The following SPHKAP variants were observed in gnomAD, a reference collection of about 807,000 sequenced individuals.
SPHKAP encodes A-kinase anchor protein SPHKAP.
SPHKAP carries 67 observed loss-of-function variants against 137.5 expected under a neutral mutation model. The observed-to-expected ratio is 0.49, with a 90% CI of 0.40 to 0.60. The LOEUF is 0.60. Among genes scored for constraint, SPHKAP ranks in the 20% least tolerant of loss-of-function variants. SPHKAP has a pLI of 0.00. For synonymous variants in SPHKAP, 813 were observed against 785.3 expected, an observed-to-expected ratio of 1.04 and a Z score of -0.59; for missense variants, 2,097 against 2,069.3, an observed-to-expected ratio of 1.01 and a Z score of -0.26.
At chr2:228,044,325 T>C (rs1695951644) in intron 3 of SPHKAP, among the ~76,000 whole-genome samples, 1 of 152,220 alleles carries the variant, frequency 6.6e-6, no homozygotes, top group East Asian at 1.9e-4. Context: ...AAAATATAGT[T>C]GCAAATGCAG....
At chr2:228,050,324 T>C (rs1195011447) in intron 3 of SPHKAP, among the ~76,000 whole-genome samples, 1 of 152,156 alleles carries the variant, frequency 6.6e-6, no homozygotes, top group Admixed American at 6.6e-5. Flanking sequence ...AGCAATCCCA[T>C]TGCTGAGTAT....
At chr2:228,058,143 A>G (rs986292593) in intron 3 of SPHKAP, among the ~76,000 whole-genome samples, 9 of 152,142 alleles carry the variant, frequency 5.9e-5, no homozygotes, top group African/African-American at 2.2e-4. Flanking sequence ...CTGTGACCAG[A>G]AACAAAAGCC....
chr2:227,983,526 T>A (rs1693086018), intron 11 of SPHKAP, among the ~76,000 whole-genome samples: 1 of 152,016 alleles, frequency 6.6e-6, no homozygotes, highest in African/African-American at 2.4e-5. Context: ...TCTTTTCATA[T>A]CTCGTGCCTG....
chr2:228,073,480 C>G (rs1258501333), intron 3 of SPHKAP, among the ~76,000 whole-genome samples: 6 of 152,080 alleles, frequency 3.9e-5, no homozygotes, highest in Non-Finnish European at 8.8e-5. Flanking sequence ...AATCTTTCCA[C>G]CTCTGATTCT....
chr2:228,150,644 T>C (rs1429584342), intron 1 of SPHKAP, among the ~76,000 whole-genome samples: 1 of 152,018 alleles, frequency 6.6e-6, no homozygotes, highest in Non-Finnish European at 1.5e-5. Context: ...ATTTTTATCA[T>C]TGTTTTATGG....
At chr2:228,071,239 G>T (rs1399875315) in intron 3 of SPHKAP, among the ~76,000 whole-genome samples, 2 of 152,282 alleles carry the variant, frequency 1.3e-5, no homozygotes, top group Middle Eastern at 3.4e-3. Flanking sequence ...CTTGGTGCTT[G>T]CTTCTTTTCC....
At chr2:228,025,914 T>C in intron 4 of SPHKAP, 1 of 972,212 alleles carries the variant, frequency 1.0e-6, no homozygotes, top group Non-Finnish European at 1.2e-6. Context: ...TGGCTCTGTG[T>C]CCCCATCCAA....
At chr2:228,025,945 T>G in intron 4 of SPHKAP, 5 of 808,520 alleles carry the variant, frequency 6.2e-6, no homozygotes, top group Middle Eastern at 6.4e-4. Flanking sequence ...GTAGCTGCTA[T>G]AATTGCCACG....
chr2:228,117,944 G>A (rs1698766523), intron 2 of SPHKAP, among the ~76,000 whole-genome samples: 1 of 150,710 alleles, frequency 6.6e-6, no homozygotes, highest in Non-Finnish European at 1.5e-5. Context: ...GGAAAAAATT[G>A]TGACATACTA....
chr2:228,114,709 G>T (rs1014524230), intron 2 of SPHKAP, among the ~76,000 whole-genome samples: 1 of 152,000 alleles, frequency 6.6e-6, no homozygotes, highest in African/African-American at 2.4e-5. Context: ...CATTTTCTTG[G>T]CCTCTTCACA....
chr2:228,173,083 T>G (rs1213931366), intron 1 of SPHKAP: 1 of 985,282 alleles, frequency 1.0e-6, no homozygotes, highest in African/African-American at 1.7e-5. Context: ...TTTTATGTTC[T>G]TGAATAATCT....
intron 1 of SPHKAP, among the ~76,000 whole-genome samples, chr2:228,161,939 G>A (rs1700287979): frequency 6.6e-6 from 1 of 152,102 alleles, no homozygotes; most frequent in African/African-American, 2.4e-5. Flanking sequence ...TCTATCTATT[G>A]CATTATTAAA....
At chr2:228,149,101 A>G (rs550794612) in intron 1 of SPHKAP, among the ~76,000 whole-genome samples, 1 of 152,292 alleles carries the variant, frequency 6.6e-6, no homozygotes, top group South Asian at 2.1e-4. Context: ...ATGAATATCT[A>G]GATAAGAAAC....
chr2:228,034,002 T>C (rs1695465865), intron 3 of SPHKAP, among the ~76,000 whole-genome samples: 1 of 152,080 alleles, frequency 6.6e-6, no homozygotes, highest in Non-Finnish European at 1.5e-5. Flanking sequence ...TTTCAAAAAC[T>C]AGCAGAAGGC....
At chr2:228,166,636 A>G (rs1434900349) in intron 1 of SPHKAP, among the ~76,000 whole-genome samples, 1 of 152,174 alleles carries the variant, frequency 6.6e-6, no homozygotes, top group Non-Finnish European at 1.5e-5. Context: ...TATCCTGTGG[A>G]AAATGTCTTT....
intron 11 of SPHKAP, among the ~76,000 whole-genome samples, chr2:227,988,802 T>C (rs1693305989): frequency 6.6e-6 from 1 of 152,202 alleles, no homozygotes; most frequent in South Asian, 2.1e-4. Context: ...CACATGATTA[T>C]GCTTTTTTAT....
At chr2:228,113,973 A>G (rs1698617419) in intron 2 of SPHKAP, among the ~76,000 whole-genome samples, 1 of 152,148 alleles carries the variant, frequency 6.6e-6, no homozygotes, top group South Asian at 2.1e-4. Context: ...GGCTTGGACA[A>G]ATCATTAGGA....
chr2:228,009,418 A>G (rs1368858256), intron 7 of SPHKAP, among the ~76,000 whole-genome samples: 1 of 152,166 alleles, frequency 6.6e-6, no homozygotes, highest in East Asian at 1.9e-4. Context: ...CAAGTCTTAC[A>G]TTCGTGTGTA....
At chr2:228,117,189 C>A (rs1175931140) in intron 2 of SPHKAP, among the ~76,000 whole-genome samples, 1 of 152,120 alleles carries the variant, frequency 6.6e-6, no homozygotes, top group African/African-American at 2.4e-5. Context: ...AGAGCAGCTG[C>A]TTGCTGTTAG....
Sources: allele counts gnomAD v4.1 joint callset (sites outside exome capture counted in the v4.1 genomes callset), GRCh38; gene constraint gnomAD v4.1.1; transcripts MANE v1.5; gene names NCBI Gene and HGNC (gene_info 2026-07-23, HGNC 2026-07-21).